The following SNTG1 variants were observed in gnomAD, a reference collection of about 807,000 sequenced individuals.
The protein encoded by SNTG1 is syntrophin gamma 1.
SNTG1 carries 39 observed loss-of-function variants against 74.7 expected under a neutral mutation model. The observed-to-expected ratio is 0.52, with a 90% confidence interval of 0.40 to 0.68. The LOEUF (loss-of-function observed/expected upper bound fraction) is 0.68. SNTG1 is among the 30% of genes least tolerant of loss of function. The pLI is 0.00. For synonymous variants in SNTG1, 254 were observed against 217.1 expected, an observed-to-expected ratio of 1.17 and a Z score of -1.49; for missense variants, 685 against 609.5, an observed-to-expected ratio of 1.12 and a Z score of -1.30.
At chr8:50,627,103 T>G (rs1259215965) in intron 13 of SNTG1, among the ~76,000 whole-genome samples, 1 of 152,198 alleles carries the variant, frequency 6.6e-6, no homozygotes, top group Non-Finnish European at 1.5e-5. Context: ...TGACTTCTAC[T>G]TTTTCTGATT....
chr8:50,783,141 A>G (rs905149973), intron 18 of SNTG1, among the ~76,000 whole-genome samples: 1 of 152,170 alleles, frequency 6.6e-6, no homozygotes, highest in African/African-American at 2.4e-5. Context: ...CTCGGGGGTC[A>G]GGGGTCAGGG....
intron 11 of SNTG1, among the ~76,000 whole-genome samples, chr8:50,539,512 G>T (rs536381354): frequency 6.6e-6 from 1 of 152,092 alleles, no homozygotes. Context: ...GGAGGTGGAC[G>T]GATAGGTGAG....
At position 50,590,902 on chromosome 8, in the gene SNTG1, T is replaced by A. The variant is rs1383287456; in HGVS notation, c.834T>A (p.Phe278Leu). ...AGATTAAAAAAATCAACAGAAACTT[T>A]CCTGTAAACCAGCAGGTAAGATCAA... ...KHNIKKINRN[F>L]PVNQQIVYMG... The change falls in exon 13 of 19, where the codon TTT becomes TTA. Residue 278 changes from phenylalanine (F) to leucine (L), a missense_variant. Transcript: ENST00000642720. 4 of 1,571,662 alleles carry A rather than the reference T, an allele frequency of 2.5e-6. No homozygotes were observed. In the Admixed American group the frequency reaches 5.3e-5, roughly 21 times the overall value.
intron 2 of SNTG1, among the ~76,000 whole-genome samples, chr8:50,356,610 C>T (rs1426286510): frequency 1.3e-5 from 2 of 152,064 alleles, no homozygotes; most frequent in Non-Finnish European, 2.9e-5. Flanking sequence ...GCTCTGTCCT[C>T]CCATGGCAGA....
At chr8:49,990,378 T>C in intron 1 of SNTG1, among the ~76,000 whole-genome samples, 1 of 152,024 alleles carries the variant, frequency 6.6e-6, no homozygotes, top group East Asian at 1.9e-4. Flanking sequence ...ACAATCTTTA[T>C]TAGATTCTAG....
At chr8:50,391,725 T>C (rs1397086211) in intron 2 of SNTG1, among the ~76,000 whole-genome samples, 5 of 152,182 alleles carry the variant, frequency 3.3e-5, no homozygotes, top group African/African-American at 1.2e-4. Context: ...TGGTAGACTA[T>C]TAATTATTGC....
chr8:50,141,338 C>G (rs570188450), intron 1 of SNTG1, among the ~76,000 whole-genome samples: 1 of 152,234 alleles, frequency 6.6e-6, no homozygotes, highest in South Asian at 2.1e-4. Flanking sequence ...CCTTGCCAAC[C>G]CTTAGTCTGC....
At chr8:50,345,403 T>C (rs575208524) in intron 2 of SNTG1, among the ~76,000 whole-genome samples, 2 of 152,278 alleles carry the variant, frequency 1.3e-5, no homozygotes, top group African/African-American at 2.4e-5. Context: ...CCCTCTAGGA[T>C]CCTGGCTCTG....
At chr8:50,669,561 C>A (rs970210131) in intron 15 of SNTG1, among the ~76,000 whole-genome samples, 1 of 152,058 alleles carries the variant, frequency 6.6e-6, no homozygotes, top group Non-Finnish European at 1.5e-5. Flanking sequence ...AGCTTACCAA[C>A]GAAAAAGAGT....
At chr8:50,245,266 C>T (rs142814507) in intron 2 of SNTG1, among the ~76,000 whole-genome samples, 3 of 152,276 alleles carry the variant, frequency 2.0e-5, no homozygotes, top group Admixed American at 6.5e-5. Context: ...TTCAGTGTCT[C>T]ACAATTCCTT....
At chr8:50,614,019 T>C (rs934943697) in intron 13 of SNTG1, among the ~76,000 whole-genome samples, 1 of 152,126 alleles carries the variant, frequency 6.6e-6, no homozygotes, top group African/African-American at 2.4e-5. Flanking sequence ...ACACCCTGAG[T>C]GGTCCTAAAA....
chr8:50,346,115 C>G (rs984203773), intron 2 of SNTG1, among the ~76,000 whole-genome samples: 1 of 152,106 alleles, frequency 6.6e-6, no homozygotes, highest in Non-Finnish European at 1.5e-5. Context: ...TACAGGCATA[C>G]GTCATTTTAT....
chr8:49,928,889 GAAAC>G (rs1320198034), intron 1 of SNTG1, among the ~76,000 whole-genome samples: 1 of 151,748 alleles, frequency 6.6e-6, no homozygotes, highest in East Asian at 1.9e-4. Flanking sequence ...TTTTTGGAAA[GAAAC>G]AAAGAATAAA....
At chr8:50,217,334 T>G (rs2084840193) in intron 2 of SNTG1, among the ~76,000 whole-genome samples, 1 of 152,100 alleles carries the variant, frequency 6.6e-6, no homozygotes, top group African/African-American at 2.4e-5. Context: ...AGTCATTTTT[T>G]TCAATCACTG....
chr8:50,047,401 C>A (rs1395082698), intron 1 of SNTG1, among the ~76,000 whole-genome samples: 2 of 151,868 alleles, frequency 1.3e-5, no homozygotes, highest in Non-Finnish European at 2.9e-5. Context: ...ATATGCAGAC[C>A]TACTTAACAT....
chr8:50,493,103 G>T lies in SNTG1; in HGVS notation c.364-9675G>T, dbSNP rs565984315. ...TTAATAAATGGTGTTGGGAAAATTG[G>T]CTAGCCATATGCAGAAAACAGAACT... On this transcript the variant is annotated intron_variant, in intron 8 of 18. Coordinates refer to ENST00000642720, the MANE Select transcript of SNTG1 (RefSeq NM_018967.5). 1.8e-4 allele frequency among the ~76,000 whole-genome samples: 28 copies of T among 152,288 alleles called. 1 individual carries two copies. The South Asian group carries it at 5.6e-3, about 30-fold the overall frequency.
In SNTG1 at chr8:50,701,586, C is replaced by CTTCT. The variant is rs2095423842; in HGVS notation, c.1039-3013_1039-3012insTCTT. Among the ~76,000 whole-genome samples, 146 of 145,296 alleles carry CTTCT rather than the reference C, an allele frequency of 1.0e-3. 6 individuals are homozygous for CTTCT. Among genetic ancestry groups the CTTCT allele is most frequent in the Admixed American group, 3.1e-3 (46 of 14,786 alleles). On this transcript the variant is annotated intron_variant, in intron 15 of 18. Coordinates refer to ENST00000642720, the MANE Select transcript of SNTG1 (RefSeq NM_018967.5). ...ATTGTGATATAATACCTTTTTCTTC[C>CTTCT]TCTTCTTCTTCTTCTTCTTCTTCTT...
chr8:49,922,994 G>A (rs1000560885), intron 1 of SNTG1, among the ~76,000 whole-genome samples: 1 of 152,030 alleles, frequency 6.6e-6, no homozygotes, highest in Admixed American at 6.6e-5. Context: ...TCCTGCTGTG[G>A]TAGATATTCC....
chr8:50,593,157 G>C (rs185212974), intron 13 of SNTG1, among the ~76,000 whole-genome samples: 1 of 152,200 alleles, frequency 6.6e-6, no homozygotes, highest in Non-Finnish European at 1.5e-5. Flanking sequence ...TGCTCCCTGA[G>C]ATTTGATTTT....
Sources: allele counts gnomAD v4.1 joint callset (sites outside exome capture counted in the v4.1 genomes callset), GRCh38; gene constraint gnomAD v4.1.1; transcripts MANE v1.5; gene names NCBI Gene and HGNC (gene_info 2026-07-23, HGNC 2026-07-21).